FAM120B: variants seen among roughly 807,000 people sequenced by gnomAD.
FAM120B encodes the protein family with sequence similarity 120 member B, also known as constitutive coactivator of peroxisome proliferator-activated receptor gamma.
In FAM120B, 83 loss-of-function variants were observed where a neutral mutation model predicts 96.3. The ratio of observed to expected loss-of-function variants is 0.86; its 90% confidence interval spans 0.72 to 1.03. FAM120B has a LOEUF of 1.03. FAM120B is among the 50% of genes least tolerant of loss of function. The pLI is 0.00. For synonymous variants in FAM120B, 407 were observed against 402.7 expected (o/e 1.01, Z -0.13); for missense variants, 1,027 against 1,121.2 (o/e 0.92, Z 1.20).
intron 4 of FAM120B, among the ~76,000 whole-genome samples, chr6:170,346,927 GT>G (rs1190645703): frequency 6.6e-6 from 1 of 151,976 alleles, no homozygotes; most frequent in Non-Finnish European, 1.5e-5. Flanking sequence ...GGGTTGTTTT[GT>G]TTTTGCTAAT....
chr6:170,332,088 C>G (rs1465592184), intron 4 of FAM120B, among the ~76,000 whole-genome samples: 1 of 152,248 alleles, frequency 6.6e-6, no homozygotes. Context: ...CTCATTTCCA[C>G]AGCTATTACT....
intron 1 of FAM120B, among the ~76,000 whole-genome samples, chr6:170,315,664 T>C (rs924523036): frequency 2.6e-5 from 4 of 152,228 alleles, no homozygotes; most frequent in African/African-American, 9.6e-5. Context: ...CATCATAAAA[T>C]GTGTGCTATT....
intron 9 of FAM120B, among the ~76,000 whole-genome samples, chr6:170,401,997 C>A (rs191064810): frequency 5.3e-5 from 8 of 152,364 alleles, no homozygotes; most frequent in African/African-American, 1.4e-4. Flanking sequence ...ACATGCCATC[C>A]TCCCTCAGGA....
chr6:170,371,898 G>C (rs901547386), intron 6 of FAM120B, among the ~76,000 whole-genome samples: 7 of 152,192 alleles, frequency 4.6e-5, no homozygotes, highest in Non-Finnish European at 1.0e-4. Context: ...CCAAATAACC[G>C]AGGGCCTGGC....
chr6:170,358,357 C>T, intron 6 of FAM120B, 39 bp downstream of exon 6: 1 of 1,366,376 alleles, frequency 7.3e-7, no homozygotes, highest in Non-Finnish European at 1.0e-6. Context: ...GCCCGGAAGA[C>T]AGCTGTGCAG....
intron 3 of FAM120B, among the ~76,000 whole-genome samples, chr6:170,328,843 T>C (rs1785795613): frequency 6.6e-6 from 1 of 152,194 alleles, no homozygotes; most frequent in African/African-American, 2.4e-5. Context: ...CTAAAAAGAG[T>C]GTAGAGTTTA....
chr6:170,323,125 A>C lies in FAM120B; in HGVS notation c.1781A>C (p.Asn594Thr), dbSNP rs568281525. 1 of 1,614,072 alleles carries C rather than the reference A, an allele frequency of 6.2e-7. No homozygotes were observed. Among genetic ancestry groups the C allele is most frequent in the South Asian group, 1.1e-5 (1 of 91,080 alleles). Residue 594 changes from asparagine to threonine, a missense_variant, in exon 3 of 11, where the codon AAC becomes ACC. Around this residue, in one of 3 missense-constraint regions of FAM120B, gnomAD observed 880 missense variants for 980.9 expected, o/e 0.90. Transcript: ENST00000476287. ...CAAGCAGAAAGCTACCTGGTGTACA[A>C]CATCATGAGCAGTGGAGAGATTGAA... Reference protein sequence around the residue: ...HVQAESYLVYNIMSSGEIECS... With the variant: ...HVQAESYLVYTIMSSGEIECS...
At chr6:170,307,259 G>T (rs1214257098) in intron 1 of FAM120B, among the ~76,000 whole-genome samples, 1 of 152,232 alleles carries the variant, frequency 6.6e-6, no homozygotes, top group Non-Finnish European at 1.5e-5. Flanking sequence ...GTCTCTAGAA[G>T]AGAGAGGCAT....
rs1164987073 is a variant in FAM120B, at chr6:170,361,236, ACACG to A, written c.2283+2919_2283+2922del. Among the ~76,000 whole-genome samples the A allele has an allele frequency of 8.8e-3, 703 of 79,992 alleles. 23 individuals carry two copies. In the East Asian group the frequency reaches 0.3, roughly 34 times the overall value. 52.5% of individuals were successfully genotyped at this position (79,992 alleles called of 152,430 possible). ...TATATATATATATATATATATATAT[ACACG>A]TATATATATATATACGTGTATATAT... On this transcript the variant is annotated intron_variant, in intron 6 of 10. Coordinates refer to ENST00000476287, the MANE Select transcript of FAM120B (RefSeq NM_032448.3).
chr6:170,332,992 A>G (rs968160858), intron 4 of FAM120B, among the ~76,000 whole-genome samples: 3 of 152,174 alleles, frequency 2.0e-5, no homozygotes, highest in Admixed American at 6.5e-5. Flanking sequence ...AAAGGAAATC[A>G]CAAGTATTTT....
chr6:170,329,852 C>T (rs1191363087), intron 3 of FAM120B, among the ~76,000 whole-genome samples: 1 of 152,196 alleles, frequency 6.6e-6, no homozygotes, highest in Non-Finnish European at 1.5e-5. Context: ...TTCCCCCAGC[C>T]CTGGACCAAG....
Position 170,318,711 on chromosome 6 carries a change from A to G in FAM120B, c.1321A>G (p.Thr441Ala). The G allele has an allele frequency of 2.5e-6, 4 of 1,595,006 alleles. No homozygotes were observed. Among genetic ancestry groups the G allele is most frequent in the South Asian group, 1.1e-5 (1 of 89,166 alleles). Reference protein sequence around the residue: ...SEPRQEVPMYTDSEPRQEVPM... With the variant: ...SEPRQEVPMYADSEPRQEVPM... ...ACCCAGGCAAGAAGTTCCCATGTAT[A>G]CAGACTCTGAACCCAGGCAAGAAGT... Residue 441 changes from threonine to alanine, a missense_variant, in exon 2 of 11, where the codon ACA (threonine) becomes GCA (alanine). Physicochemically the swap from Thr to Ala is moderately conservative, Grantham distance 58. This residue lies in a region of FAM120B where 880 missense variants were observed against 980.9 expected (regional missense o/e 0.90). Transcript: ENST00000476287.
upstream of FAM120B, among the ~76,000 whole-genome samples, chr6:170,292,085 G>GA (rs1285186148): frequency 6.6e-6 from 1 of 152,192 alleles, no homozygotes; most frequent in Non-Finnish European, 1.5e-5. This position sits in a 1 kb window ranked among gnomAD's most constrained non-coding sequence, Gnocchi z 6.6. Flanking sequence ...AATGCGGAGA[G>GA]AAAGAGCTCC....
At chr6:170,384,998 C>T (rs1241846759) in intron 6 of FAM120B, among the ~76,000 whole-genome samples, 1 of 152,152 alleles carries the variant, frequency 6.6e-6, no homozygotes, top group Non-Finnish European at 1.5e-5. Context: ...CACACTCATC[C>T]TAACGGACAT....
rs558132910 is a variant in FAM120B at position 170,387,326 on chromosome 6, A to G, written c.2284-961A>G. On this transcript the variant is annotated intron_variant, in intron 6 of 10. Transcript: ENST00000476287. ...TAGTAAGTGAAGCCTTAACTTCTAA[A>G]GGAGCTAAAATATCTGTTACTTTTT... Among the ~76,000 whole-genome samples, 3 of 152,392 alleles carry G rather than the reference A, an allele frequency of 2.0e-5. No individual in the cohort carries two copies. The East Asian group carries it at 5.8e-4, about 29-fold the overall frequency.
upstream of FAM120B, chr6:170,291,117 C>A (rs1562500155): frequency 3.2e-6 from 2 of 630,698 alleles, no homozygotes; most frequent in Admixed American, 2.1e-5. Context: ...CGCCCCCACC[C>A]TTCCCCGCCC....
chr6:170,356,009 C>T lies in FAM120B; in HGVS notation c.2191-2217C>T, dbSNP rs116744615. 4.9e-3 allele frequency among the ~76,000 whole-genome samples: 744 copies of T among 152,262 alleles called. 9 individuals carry two copies. The highest frequency in any genetic ancestry group is 0.017 in the African/African-American group (713 of 41,554). The stretch of plus-strand genomic sequence containing the variant: ...CACACCGCCTGCTGTTCCATATGAA[C>T]GATGCTTGCTGATCCTGTGTGTGGT... On this transcript the variant is annotated intron_variant, in intron 5 of 10. Transcript: ENST00000476287.
At position 170,370,488 on chromosome 6, in the gene FAM120B, G is replaced by T. The variant is rs958883324; in HGVS notation, c.2283+12170G>T. Among the ~76,000 whole-genome samples, 2 of 152,166 alleles carry T rather than the reference G, an allele frequency of 1.3e-5. No individual in the cohort carries two copies. Among genetic ancestry groups the T allele is most frequent in the African/African-American group, 2.4e-5 (1 of 41,430 alleles). ...CTCGCCTTTCCTGGTTCCAGGAGCT[G>T]CTGTCCAGTCGTGCTCTGGAAGATC... On this transcript the variant is annotated intron_variant, in intron 6 of 10. Transcript: ENST00000476287. This position sits in a 1 kb window ranked among gnomAD's most constrained non-coding sequence, Gnocchi z 4.3.
chr6:170,404,500 A>G (rs760485146), intron 9 of FAM120B, 50 bp from the exon 10 acceptor site: 1 of 1,521,446 alleles, frequency 6.6e-7, no homozygotes, highest in African/African-American at 1.4e-5. Flanking sequence ...TTGTTTGTGT[A>G]TTGAGAGAGA....
Sources: allele counts gnomAD v4.1 joint callset (sites outside exome capture counted in the v4.1 genomes callset), GRCh38; gene constraint gnomAD v4.1.1; regional missense constraint gnomAD v4.1.1; non-coding constraint Gnocchi (gnomAD v3.1); transcripts MANE v1.5; gene names NCBI Gene and HGNC (gene_info 2026-07-23, HGNC 2026-07-21).